ABI3: variants seen among roughly 807,000 people sequenced by gnomAD.
The protein encoded by ABI3 is ABI family member 3.
A neutral mutation model predicts 37.0 loss-of-function variants in ABI3; 24 were observed. That is an observed-to-expected ratio of 0.65 (90% CI 0.47 to 0.91). The LOEUF is 0.91. Among genes scored for constraint, ABI3 ranks in the 40% least tolerant of loss-of-function variants. The pLI is 0.00. For missense variants in ABI3, 481 were observed against 485.1 expected (o/e 0.99, Z 0.08); for synonymous variants, 220 against 211.8 (o/e 1.04, Z -0.34).
chr17:49,222,579 A>G lies in ABI3; in HGVS notation c.965A>G (p.Gln322Arg), dbSNP rs757449192. 6 of 1,613,952 alleles carry G rather than the reference A, an allele frequency of 3.7e-6. No homozygotes were observed. In the Admixed American group the frequency reaches 1.0e-4, roughly 27 times the overall value. Residue 322 changes from glutamine (Q) to arginine (R), a missense_variant, in exon 8 of 8, where the codon CAG becomes CGG. By Grantham distance (43) the Gln-to-Arg change is conservative. Transcript: ENST00000225941. ...KVVTLYPYTSQKDNELSFSEG... is the reference protein window; with the variant it reads ...KVVTLYPYTSRKDNELSFSEG... ...GTGACACTGTACCCATACACCAGCC[A>G]GAAGGACAATGAGCTCTCCTTCTCT...
At chr17:49,211,140 C>T (rs61665126) in intron 1 of ABI3, among the ~76,000 whole-genome samples, 170 of 152,346 alleles carry the variant, frequency 1.1e-3, no homozygotes, top group African/African-American at 3.8e-3. Context: ...TGAGTTCCCA[C>T]GGGTCAATCC....
rs763022415 is a variant in ABI3, at chr17:49,217,832, C to G, written c.379C>G (p.Pro127Ala). 6.2e-7 allele frequency: 1 copy of G among 1,609,840 alleles called. No individual in the cohort carries two copies. Among genetic ancestry groups the G allele is most frequent in the South Asian group, 1.1e-5 (1 of 90,338 alleles). Residue 127 changes from proline (P) to alanine (A), a missense_variant, in exon 3 of 8, where the codon CCA becomes GCA. Transcript: ENST00000225941. ...RLPPGQKVIA[P>A]ENLPPLTPYC... ...GCCCCCCGGCCAGAAGGTCATCGCCCCAGAGAACCTACCCCCTCTCACGCC... is the reference window on the plus strand; with the variant it reads ...GCCCCCCGGCCAGAAGGTCATCGCCGCAGAGAACCTACCCCCTCTCACGCC...
At position 49,219,654 on chromosome 17, in the gene ABI3, C is replaced by G. The variant is rs757261599; in HGVS notation, c.548+29C>G. On this transcript the variant is annotated intron_variant, in intron 4 of 7. Coordinates refer to ENST00000225941, the MANE Select transcript of ABI3 (RefSeq NM_016428.3). This position sits in a 1 kb window ranked among gnomAD's most constrained non-coding sequence, Gnocchi z 4.3. ...AGGCCTCGCCGCGACGCCAACTAGC[C>G]TAGCCCTGCCCCGCGCGACCCTGAA... is the stretch of plus-strand genomic sequence containing the variant. The G allele has an allele frequency of 1.3e-6, 2 of 1,565,898 alleles. No homozygotes were observed. Among genetic ancestry groups the G allele is most frequent in the Non-Finnish European group, 1.7e-6 (2 of 1,151,090 alleles).
chr17:49,218,574 C>A (rs1443877883), intron 3 of ABI3, among the ~76,000 whole-genome samples: 1 of 151,968 alleles, frequency 6.6e-6, no homozygotes, highest in Non-Finnish European at 1.5e-5. Context: ...ACCAGGCCTC[C>A]TTCCCACCAG....
At position 49,220,182 on chromosome 17, in the gene ABI3, G is replaced by C. The variant is rs2043267468; in HGVS notation, c.658G>C (p.Val220Leu). The change falls in exon 6 of 8, where the codon GTC becomes CTC. Residue 220 changes from valine to leucine, a missense_variant. Transcript: ENST00000225941. ...SLASAGSAEG[V>L]GGAPTPKGQA... ...TCTGGTGTTCAGCAGCGCCGAAGGTGTCGGTGGGGCCCCCACGCCCAAGGG... is the reference window on the plus strand; with the variant it reads ...TCTGGTGTTCAGCAGCGCCGAAGGTCTCGGTGGGGCCCCCACGCCCAAGGG... The C allele has an allele frequency of 6.2e-7, 1 of 1,612,012 alleles. No homozygotes were observed. The highest frequency in any genetic ancestry group is 8.5e-7 in the Non-Finnish European group (1 of 1,179,878).
chr17:49,218,789 G>GTT (rs2043248515), intron 3 of ABI3, among the ~76,000 whole-genome samples: 1 of 71,118 alleles, frequency 1.4e-5, no homozygotes, highest in Non-Finnish European at 2.8e-5. Flanking sequence ...TTTTTTTTTT[G>GTT]TATTTTTAGT....
chr17:49,221,467 T>C (rs2043287342), intron 6 of ABI3, among the ~76,000 whole-genome samples: 1 of 151,470 alleles, frequency 6.6e-6, no homozygotes, highest in African/African-American at 2.4e-5. Context: ...CGAGACTCGG[T>C]CTCAAAAAAA....
At chr17:49,222,475 AT>A (rs1811834202) in intron 7 of ABI3, 76 bp from the exon 8 acceptor site, 1 of 1,529,748 alleles carries the variant, frequency 6.5e-7, no homozygotes, top group Non-Finnish European at 8.9e-7. Context: ...GAGACCGTGC[AT>A]CCCCATGGTG....
rs755922043 is a variant in ABI3, at chr17:49,219,511, T to C, written c.463-29T>C. The stretch of plus-strand genomic sequence containing the variant: ...GTGGAGGGAGGCCCCTCACCCCAAA[T>C]GTAAGCCCTACCTCCCGCTCCCTCG... On this transcript the variant is annotated intron_variant, in intron 3 of 7. Transcript: ENST00000225941. This position sits in a 1 kb window ranked among gnomAD's most constrained non-coding sequence, Gnocchi z 4.3. 9 of 1,564,544 alleles carry C rather than the reference T, an allele frequency of 5.8e-6. No homozygotes were observed. The Admixed American group carries it at 1.1e-4, about 20-fold the overall frequency.
At chr17:49,213,420 G>A (rs917754655) in intron 1 of ABI3, among the ~76,000 whole-genome samples, 2 of 152,110 alleles carry the variant, frequency 1.3e-5, no homozygotes, top group Non-Finnish European at 2.9e-5. Context: ...GGAAGGTTCT[G>A]GATCTCAGAA....
chr17:49,221,115 G>A (rs112150087), intron 6 of ABI3, among the ~76,000 whole-genome samples: 11 of 151,716 alleles, frequency 7.3e-5, no homozygotes, highest in Admixed American at 2.0e-4. Context: ...AGAGGCTGCA[G>A]TGAGCCGAGA....
At chr17:49,221,395 C>G (rs975981647) in intron 6 of ABI3, among the ~76,000 whole-genome samples, 1 of 151,546 alleles carries the variant, frequency 6.6e-6, no homozygotes, top group East Asian at 1.9e-4. Flanking sequence ...GGCGTGAACC[C>G]GGGAGGTGGG....
At chr17:49,212,645 C>T (rs1221944666) in intron 1 of ABI3, among the ~76,000 whole-genome samples, 8 of 152,124 alleles carry the variant, frequency 5.3e-5, no homozygotes, top group Non-Finnish European at 8.8e-5. Flanking sequence ...GAGTCCCATG[C>T]CCACTTCACA....
chr17:49,222,409 G>A, intron 7 of ABI3, 143 bp from the exon 8 acceptor site: 1 of 1,352,794 alleles, frequency 7.4e-7, no homozygotes. Flanking sequence ...AAGCTGGGGA[G>A]GGGTCCTGAA....
At chr17:49,221,882 C>T (rs544419702) in intron 6 of ABI3, among the ~76,000 whole-genome samples, 2 of 152,200 alleles carry the variant, frequency 1.3e-5, no homozygotes, top group Admixed American at 1.3e-4. Context: ...CCATGCCCGG[C>T]TAATTTTTGT....
intron 6 of ABI3, among the ~76,000 whole-genome samples, chr17:49,220,713 G>A (rs888852727): frequency 5.3e-5 from 8 of 151,846 alleles, no homozygotes; most frequent in South Asian, 2.1e-4. Flanking sequence ...GCGTGGTGGC[G>A]CAAGCCTGTA....
rs755645947 is a variant in ABI3, at chr17:49,216,710, G to A, written c.285+12G>A. The stretch of plus-strand genomic sequence containing the variant: ...GCACGCTGGGCCAGGTAAGGGGCGT[G>A]GGGCGTGGGAAGGCATCTTGTGTCA... On this transcript the variant is annotated intron_variant, in intron 2 of 7. Transcript: ENST00000225941. 6.7e-6 allele frequency: 10 copies of A among 1,494,628 alleles called. No individual in the cohort carries two copies. The Admixed American group carries it at 2.1e-4, about 32-fold the overall frequency. 92.6% of individuals were successfully genotyped at this position (1,494,628 alleles called of 1,614,324 possible).
At chr17:49,211,236 C>T (rs890458917) in intron 1 of ABI3, among the ~76,000 whole-genome samples, 12 of 152,172 alleles carry the variant, frequency 7.9e-5, no homozygotes, top group African/African-American at 2.9e-4. Context: ...AGAAGAACTT[C>T]CCAAACAGCA....
intron 2 of ABI3, among the ~76,000 whole-genome samples, 174 bp downstream of exon 2, chr17:49,216,872 C>T (rs978490664): frequency 2.0e-5 from 3 of 152,226 alleles, no homozygotes; most frequent in Admixed American, 2.0e-4. Context: ...ATCTCTGTGG[C>T]TACGCTACAA....
Sources: allele counts gnomAD v4.1 joint callset (sites outside exome capture counted in the v4.1 genomes callset), GRCh38; gene constraint gnomAD v4.1.1; non-coding constraint Gnocchi (gnomAD v3.1); transcripts MANE v1.5; gene names NCBI Gene and HGNC (gene_info 2026-07-23, HGNC 2026-07-21).